ROS1: variants seen among roughly 807,000 people sequenced by gnomAD.
ROS1 encodes the protein proto-oncogene tyrosine-protein kinase ROS.
In ROS1, 263 loss-of-function variants were observed where a neutral mutation model predicts 273.5. That is an observed-to-expected ratio of 0.96 (90% CI 0.87 to 1.06). The LOEUF (loss-of-function observed/expected upper bound fraction) is 1.06. ROS1 is among the 50% of genes least tolerant of loss of function. The pLI is 0.00. For synonymous variants in ROS1, 1,008 were observed against 954.1 expected (o/e 1.06, Z -1.04); for missense variants, 2,833 against 2,751.1 (o/e 1.03, Z -0.67).
intron 18 of ROS1, among the ~76,000 whole-genome samples, chr6:117,377,527 A>C (rs907619916): frequency 6.6e-6 from 1 of 152,190 alleles, no homozygotes; most frequent in Non-Finnish European, 1.5e-5. Context: ...GAAAACTTTA[A>C]CTCATATCTC....
chr6:117,295,976 T>C (rs890221321), intron 43 of ROS1, among the ~76,000 whole-genome samples: 1 of 152,172 alleles, frequency 6.6e-6, no homozygotes, highest in African/African-American at 2.4e-5. Context: ...GATTCAGCAA[T>C]CCCACTGCTG....
chr6:117,393,213 C>T lies in ROS1; in HGVS notation c.1289+11G>A, dbSNP rs367836749. 7.6e-6 allele frequency: 11 copies of T among 1,444,584 alleles called. No individual in the cohort carries two copies. In the African/African-American group the frequency reaches 1.4e-4, roughly 18 times the overall value. The allele number at this position is 1,444,584 out of a possible 1,614,324, so 89.5% of individuals were successfully genotyped here. A position where few individuals can be genotyped will look rare whatever the true frequency, so the allele number is the denominator to read the frequency against. On this transcript the variant is annotated intron_variant, in intron 12 of 43. Transcript: ENST00000368507. ...TGGAAGAGAATTCATCTTTACAAGG[C>T]TAACACATACCCATTGTATGAATCA...
In ROS1 at chr6:117,403,149, A is replaced by G. The variant is rs1338468574; in HGVS notation, c.594T>C (p.His198=). The G allele has an allele frequency of 1.2e-6, 2 of 1,613,926 alleles. No homozygotes were observed. Among genetic ancestry groups the G allele is most frequent in the South Asian group, 1.1e-5 (1 of 90,998 alleles). ...YSPPSPSYRT[H]PHGVPETAPL... ...GTGTGCACACCATACCTCCATGAGG[A>G]TGAGTCCTGTAACTGGGACTTGGAG... is the stretch of plus-strand genomic sequence containing the variant. Residue 198 remains histidine (H), a synonymous_variant, in exon 7 of 44, where the codon CAT becomes CAC. Transcript: ENST00000368507.
At chr6:117,422,095 C>T (rs1027149186) in intron 1 of ROS1, among the ~76,000 whole-genome samples, 5 of 152,150 alleles carry the variant, frequency 3.3e-5, no homozygotes, top group African/African-American at 9.7e-5. Flanking sequence ...ACAGCATCCT[C>T]GACCTCCCTG....
chr6:117,338,726 A>T (rs17079058), intron 31 of ROS1, among the ~76,000 whole-genome samples: 2,935 of 152,214 alleles, frequency 0.019, 63 homozygotes, highest in East Asian at 0.061. Flanking sequence ...TGGCATCACC[A>T]CAGCAATGAG....
At position 117,393,302 on chromosome 6, in the gene ROS1, T is replaced by C; in HGVS notation, c.1211A>G (p.Glu404Gly). Residue 404 changes from glutamate to glycine, a missense_variant, in exon 12 of 44, where the codon GAG (glutamate) becomes GGG (glycine). Transcript: ENST00000368507. ...MDELVCVCDL[E>G]NCSNIEEITP... ...AATTTCCTCGATGTTTGAGCAGTTCTCTAAATCACAGACACATACCTAAAA... is the reference window on the plus strand; with the variant it reads ...AATTTCCTCGATGTTTGAGCAGTTCCCTAAATCACAGACACATACCTAAAA... 1 of 1,610,420 alleles carries C rather than the reference T, an allele frequency of 6.2e-7. No homozygotes were observed. The highest frequency in any genetic ancestry group is 8.5e-7 in the Non-Finnish European group (1 of 1,177,072).
rs1188736177 is a variant in ROS1 at position 117,320,021 on chromosome 6, T to C, written c.5769A>G (p.Pro1923=). The C allele has an allele frequency of 6.2e-7, 1 of 1,613,096 alleles. No homozygotes were observed. The highest frequency in any genetic ancestry group is 1.1e-5 in the South Asian group (1 of 91,060). ...GAAGATTTTCAATCTCCTCTTGGGT[T>C]GGAAGAGTACTGTAAAATAGCAACA... ...ANACYAIHTL[P]TQEEIENLPA... The change falls in exon 37 of 44, where the codon CCA becomes CCG. Residue 1923 remains proline (P), a synonymous_variant. Coordinates refer to ENST00000368507, the MANE Select transcript of ROS1 (RefSeq NM_001378902.1).
chr6:117,380,640 A>G (rs1405792949), intron 17 of ROS1, among the ~76,000 whole-genome samples: 1 of 152,106 alleles, frequency 6.6e-6, no homozygotes, highest in South Asian at 2.1e-4. Context: ...CTGGAATACA[A>G]CAAACTATTC....
chr6:117,404,051 C>A (rs904006590), intron 6 of ROS1, among the ~76,000 whole-genome samples: 5 of 152,278 alleles, frequency 3.3e-5, no homozygotes, highest in African/African-American at 1.2e-4. Flanking sequence ...CTGGCTAACA[C>A]GGTGAAACCG....
At chr6:117,364,982 A>G in intron 21 of ROS1, 78 bp downstream of exon 21, 1 of 1,382,346 alleles carries the variant, frequency 7.2e-7, no homozygotes, top group Non-Finnish European at 1.0e-6. Context: ...TTATTTTTAA[A>G]TATCAACTAT....
chr6:117,301,791 G>T (rs1196732245), intron 42 of ROS1: 1 of 152,208 alleles, frequency 6.6e-6, no homozygotes, highest in Non-Finnish European at 1.5e-5. Flanking sequence ...CAGATATTTA[G>T]TGACAGAACT....
intron 16 of ROS1, among the ~76,000 whole-genome samples, chr6:117,384,770 G>T (rs1454588177): frequency 2.0e-5 from 3 of 152,164 alleles, no homozygotes; most frequent in Non-Finnish European, 4.4e-5. Context: ...TAGGCTGAAG[G>T]GTTGTTGTCT....
chr6:117,391,392 A>G (rs1415485786), intron 12 of ROS1, among the ~76,000 whole-genome samples: 1 of 152,190 alleles, frequency 6.6e-6, no homozygotes, highest in Admixed American at 6.5e-5. Flanking sequence ...AAAGAAAAAT[A>G]GAAAAGGTGA....
intron 32 of ROS1, among the ~76,000 whole-genome samples, chr6:117,329,679 A>G (rs1389636631): frequency 6.6e-6 from 1 of 152,122 alleles, no homozygotes; most frequent in Non-Finnish European, 1.5e-5. Flanking sequence ...ATCAAAATTG[A>G]CTAGAAGGCT....
At chr6:117,311,681 A>G (rs1414331819) in intron 39 of ROS1, among the ~76,000 whole-genome samples, 1 of 152,118 alleles carries the variant, frequency 6.6e-6, no homozygotes, top group Non-Finnish European at 1.5e-5. Context: ...TACGAGCCCC[A>G]TGCAAATTGT....
chr6:117,357,480 A>G (rs1225482089), intron 25 of ROS1, among the ~76,000 whole-genome samples: 1 of 152,136 alleles, frequency 6.6e-6, no homozygotes, highest in Non-Finnish European at 1.5e-5. Context: ...GTTCCTGCTC[A>G]CCTCTTGCCA....
At chr6:117,306,030 G>GTT (rs78945275) in intron 42 of ROS1, among the ~76,000 whole-genome samples, 28,916 of 122,826 alleles carry the variant, frequency 0.24, 3,696 homozygotes, top group African/African-American at 0.38. Flanking sequence ...TTCTCCTCAA[G>GTT]TTTTTTTTTT....
rs1177764371 is a variant in ROS1, at chr6:117,344,263, C to T, written c.4304-1G>A. ...GAAGCTAGAGACAGAAACGCTTTATCTAAAATAAGAAGAAACCAAAAGATT... is the reference window on the plus strand; with the variant it reads ...GAAGCTAGAGACAGAAACGCTTTATTTAAAATAAGAAGAAACCAAAAGATT... On this transcript the variant is annotated splice_acceptor_variant, in intron 27 of 43. Coordinates refer to ENST00000368507, the MANE Select transcript of ROS1 (RefSeq NM_001378902.1). LOFTEE classifies it high-confidence loss of function. 6.2e-7 allele frequency: 1 copy of T among 1,611,050 alleles called. No homozygotes were observed. The highest frequency in any genetic ancestry group is 1.3e-5 in the African/African-American group (1 of 74,738).
In ROS1 at chr6:117,403,127, T is replaced by G. The variant is rs775826215; in HGVS notation, c.604+12A>C. On this transcript the variant is annotated intron_variant, in intron 7 of 43. Transcript: ENST00000368507. ...ATAATGTCCTTTCATAAGAAATGTGTGCACACCATACCTCCATGAGGATGA... is the reference window on the plus strand; with the variant it reads ...ATAATGTCCTTTCATAAGAAATGTGGGCACACCATACCTCCATGAGGATGA... The G allele has an allele frequency of 6.2e-7, 1 of 1,613,644 alleles. No individual in the cohort carries two copies. The highest frequency in any genetic ancestry group is 8.5e-7 in the Non-Finnish European group (1 of 1,179,730).
Sources: allele counts gnomAD v4.1 joint callset (sites outside exome capture counted in the v4.1 genomes callset), GRCh38; gene constraint gnomAD v4.1.1; transcripts MANE v1.5; gene names NCBI Gene and HGNC (gene_info 2026-07-23, HGNC 2026-07-21).